Variants in CALCR observed in about 807,000 individuals in gnomAD.
CALCR encodes the protein calcitonin receptor.
In CALCR, 47 loss-of-function variants were observed where a neutral mutation model predicts 59.5. The ratio of observed to expected loss-of-function variants is 0.79; its 90% CI spans 0.63 to 1.01. The LOEUF (loss-of-function observed/expected upper bound fraction) is 1.01. Among genes scored for constraint, CALCR ranks in the 50% least tolerant of loss-of-function variants. The pLI is 0.00. For synonymous variants in CALCR, 213 were observed against 211.3 expected (o/e 1.01, Z -0.07); for missense variants, 566 against 597.1 (o/e 0.95, Z 0.54).
At chr7:93,515,437 C>T (rs1801630334) in intron 2 of CALCR, among the ~76,000 whole-genome samples, 1 of 151,952 alleles carries the variant, frequency 6.6e-6, no homozygotes, top group Admixed American at 6.6e-5. Flanking sequence ...CTTGGAAAAT[C>T]TCATCTGATT....
intron 2 of CALCR, among the ~76,000 whole-genome samples, chr7:93,491,305 A>G (rs1275227898): frequency 6.6e-6 from 1 of 152,090 alleles, no homozygotes; most frequent in Non-Finnish European, 1.5e-5. Flanking sequence ...TAAAAACTCT[A>G]GAAGAAAACC....
At chr7:93,441,374 T>C (rs1799900241) in intron 9 of CALCR, 1 of 331,154 alleles carries the variant, frequency 3.0e-6, no homozygotes, top group African/African-American at 2.2e-5. Context: ...TGGAAGGCAT[T>C]TGATCAACAC....
chr7:93,566,395 G>T (rs1789865223), intron 2 of CALCR, among the ~76,000 whole-genome samples: 1 of 152,156 alleles, frequency 6.6e-6, no homozygotes, highest in Non-Finnish European at 1.5e-5. Flanking sequence ...TGGCCTGATT[G>T]AGTTGGAGAG....
intron 2 of CALCR, among the ~76,000 whole-genome samples, chr7:93,509,127 G>A (rs899950540): frequency 6.6e-6 from 1 of 152,072 alleles, no homozygotes; most frequent in East Asian, 1.9e-4. Flanking sequence ...TCAGGTAAAA[G>A]CATGGTGCCA....
chr7:93,486,944 A>C lies in CALCR; in HGVS notation c.38T>G (p.Phe13Cys). The change falls in exon 3 of 14, where the codon TTT (phenylalanine) becomes TGT (cysteine). Residue 13 changes from phenylalanine (F) to cysteine (C), a missense_variant. By Grantham distance (205) the Phe-to-Cys change is radical. Coordinates refer to ENST00000426151, the MANE Select transcript of CALCR (RefSeq NM_001742.4). ...TGTTTTACTTACATTTAGAAGAAGA[A>C]ACAGTGCCAAGCACCGGCTTGTAAA... The part of the protein sequence containing the change: ...FTFTSRCLAL[F>C]LLLNHPTPIL... 2.5e-6 allele frequency: 4 copies of C among 1,590,482 alleles called. No individual in the cohort carries two copies. The highest frequency in any genetic ancestry group is 3.4e-6 in the Non-Finnish European group (4 of 1,161,708).
intron 8 of CALCR, among the ~76,000 whole-genome samples, chr7:93,459,828 C>T (rs1800280120): frequency 6.6e-6 from 1 of 152,078 alleles, no homozygotes; most frequent in African/African-American, 2.4e-5. Flanking sequence ...GAATGGTTCT[C>T]AGTAATGGAG....
chr7:93,562,546 T>A (rs982329205), intron 2 of CALCR, among the ~76,000 whole-genome samples: 1 of 152,208 alleles, frequency 6.6e-6, no homozygotes. Context: ...CTGCATAAGC[T>A]TATATTTTCA....
rs796531582 is a variant in CALCR, at chr7:93,424,632, TAAG to T, written c.*1721_*1723del. ...GGCAGAACTATGTGCAATTCTATAA[TAAG>T]CTATTTTGTTTTCTTCAACCCCTAC... On this transcript the variant is annotated 3_prime_UTR_variant, in exon 14 of 14. Coordinates refer to ENST00000426151, the MANE Select transcript of CALCR (RefSeq NM_001742.4). The T allele has an allele frequency of 2.6e-5, 4 of 152,762 alleles. No individual in the cohort carries two copies. Among genetic ancestry groups the T allele is most frequent in the South Asian group, 2.1e-4 (1 of 4,832 alleles). 9.5% of individuals were successfully genotyped at this position (152,762 alleles called of 1,614,324 possible). A position where few individuals can be genotyped will look rare whatever the true frequency, so the allele number is the denominator to read the frequency against.
intron 2 of CALCR, among the ~76,000 whole-genome samples, chr7:93,508,641 G>A (rs1801479604): frequency 6.6e-6 from 1 of 152,124 alleles, no homozygotes; most frequent in Non-Finnish European, 1.5e-5. Context: ...GATTAGTCAA[G>A]GCATTACAGG....
At chr7:93,475,543 T>G (rs1451084930) in intron 5 of CALCR, among the ~76,000 whole-genome samples, 1 of 54,208 alleles carries the variant, frequency 1.8e-5, no homozygotes, top group East Asian at 5.5e-4. Flanking sequence ...CAGAAAGTAG[T>G]TTTTTTTTTA....
intron 2 of CALCR, among the ~76,000 whole-genome samples, chr7:93,515,211 TA>T (rs950592434): frequency 1.8e-4 from 28 of 152,122 alleles, no homozygotes; most frequent in East Asian, 5.8e-4. Flanking sequence ...TAAGGAAGAC[TA>T]AAAAAATTTC....
At chr7:93,460,182 T>C (rs1287708040) in intron 8 of CALCR, among the ~76,000 whole-genome samples, 2 of 152,130 alleles carry the variant, frequency 1.3e-5, no homozygotes, top group East Asian at 1.9e-4. Context: ...TGCCTTAGTG[T>C]ACCTAGTATC....
chr7:93,531,448 C>T (rs1788835661), intron 2 of CALCR, among the ~76,000 whole-genome samples: 1 of 152,084 alleles, frequency 6.6e-6, no homozygotes. Context: ...ATCCTTCCAT[C>T]ACACATTAAC....
At chr7:93,559,617 T>C (rs1789694142) in intron 2 of CALCR, 1 of 73,846 alleles carries the variant, frequency 1.4e-5, no homozygotes. Context: ...TACTTAAAAC[T>C]TTTTTTTTTT....
At chr7:93,441,404 G>A (rs1475030197) in intron 9 of CALCR, 1 of 382,196 alleles carries the variant, frequency 2.6e-6, no homozygotes, top group Non-Finnish European at 5.1e-6. Flanking sequence ...TGATTGTGAT[G>A]ATCAGAATTG....
intron 11 of CALCR, 130 bp downstream of exon 11, chr7:93,437,930 T>C: frequency 2.3e-6 from 2 of 881,698 alleles, no homozygotes; most frequent in Non-Finnish European, 3.5e-6. Flanking sequence ...ATTGCTTTTT[T>C]TTACTACAGA....
chr7:93,511,903 C>A (rs1412410054), intron 2 of CALCR, among the ~76,000 whole-genome samples: 1 of 152,152 alleles, frequency 6.6e-6, no homozygotes, highest in Non-Finnish European at 1.5e-5. Context: ...AAAGAATCTT[C>A]TTTTCTGGGT....
chr7:93,489,128 T>C (rs1041980717), intron 2 of CALCR, among the ~76,000 whole-genome samples: 3 of 151,478 alleles, frequency 2.0e-5, no homozygotes, highest in Non-Finnish European at 4.4e-5. Flanking sequence ...AACCACACAA[T>C]TACATGGAAA....
In CALCR at chr7:93,425,919, T is replaced by C. The variant is rs1312911519; in HGVS notation, c.*437A>G. 6.5e-6 allele frequency: 1 copy of C among 154,448 alleles called. No homozygotes were observed. Among genetic ancestry groups the C allele is most frequent in the Non-Finnish European group, 1.4e-5 (1 of 69,474 alleles). The allele number at this position is 154,448 out of a possible 1,614,324, so 9.6% of individuals were successfully genotyped here. The stretch of plus-strand genomic sequence containing the variant: ...CAGAATTGACTGAAATTTAAAAAAA[T>C]TAAAAATCAGATCCATAGCCAAATA... On this transcript the variant is annotated 3_prime_UTR_variant, in exon 14 of 14. Coordinates refer to ENST00000426151, the MANE Select transcript of CALCR (RefSeq NM_001742.4).
Sources: gnomAD v4.1 joint callset for allele counts (sites outside exome capture counted in the v4.1 genomes callset) on GRCh38, gnomAD v4.1.1 for gene constraint, MANE v1.5 for transcripts, NCBI Gene and HGNC (gene_info 2026-07-23, HGNC 2026-07-21) for gene names.